SLC35F1: variants seen among roughly 807,000 people sequenced by gnomAD.
SLC35F1 encodes the protein chromosome 6 open reading frame 169.
SLC35F1 carries 14 observed loss-of-function variants against 48.7 expected under a neutral mutation model. The observed-to-expected ratio is 0.29, with a 90% CI of 0.19 to 0.45. The LOEUF is 0.45. Ranked by LOEUF, SLC35F1 falls within the 20% of genes least tolerant of loss-of-function variation. The pLI, the probability that SLC35F1 is intolerant of heterozygous loss-of-function variation, is 1.00. For synonymous variants in SLC35F1, 190 were observed against 202.2 expected (o/e 0.94, Z 0.51); for missense variants, 404 against 500.0 (o/e 0.81, Z 1.83).
chr6:118,150,585 C>G (rs996978272), intron 1 of SLC35F1, among the ~76,000 whole-genome samples: 3 of 152,102 alleles, frequency 2.0e-5, no homozygotes, highest in Non-Finnish European at 2.9e-5. Flanking sequence ...TTTCACCCTT[C>G]TTGTCCCAAA....
chr6:118,087,681 C>T (rs1773011860), intron 1 of SLC35F1, among the ~76,000 whole-genome samples: 1 of 152,182 alleles, frequency 6.6e-6, no homozygotes, highest in South Asian at 2.1e-4. Context: ...CATGTCTTTG[C>T]CCAACAACTT....
At chr6:118,093,111 T>C (rs1026855706) in intron 1 of SLC35F1, among the ~76,000 whole-genome samples, 2 of 151,882 alleles carry the variant, frequency 1.3e-5, no homozygotes, top group Admixed American at 6.6e-5. Context: ...AGGTCAGTGG[T>C]TCGAAACCAG....
intron 1 of SLC35F1, among the ~76,000 whole-genome samples, chr6:118,097,487 T>TG (rs1773193833): frequency 6.6e-6 from 1 of 152,126 alleles, no homozygotes; most frequent in African/African-American, 2.4e-5. Flanking sequence ...AGTTGTGACT[T>TG]GGGGGTGTGC....
intron 3 of SLC35F1, among the ~76,000 whole-genome samples, chr6:118,239,078 G>A (rs1043724636): frequency 2.0e-5 from 3 of 150,908 alleles, no homozygotes; most frequent in South Asian, 2.1e-4. Context: ...TCTCTCTCTC[G>A]TCTCCCGAGG....
intron 5 of SLC35F1, among the ~76,000 whole-genome samples, 162 bp from the exon 6 acceptor site, chr6:118,277,332 G>A (rs1775930231): frequency 6.6e-6 from 1 of 152,160 alleles, no homozygotes; most frequent in East Asian, 1.9e-4. Context: ...ACTGCACTCT[G>A]CCTAATTAGA....
intron 1 of SLC35F1, among the ~76,000 whole-genome samples, chr6:118,043,498 CA>C (rs898161423): frequency 5.7e-4 from 86 of 151,742 alleles, no homozygotes; most frequent in African/African-American, 2.1e-3. Flanking sequence ...TTCAAGGCTT[CA>C]TGTAGAAAAA....
chr6:118,142,029 A>C (rs1773898138), intron 1 of SLC35F1, among the ~76,000 whole-genome samples: 1 of 152,218 alleles, frequency 6.6e-6, no homozygotes, highest in Non-Finnish European at 1.5e-5. Context: ...GGCTCCTCCT[A>C]AAACAGGCTA....
chr6:118,247,137 T>G (rs998490426), intron 3 of SLC35F1, among the ~76,000 whole-genome samples: 3 of 152,256 alleles, frequency 2.0e-5, no homozygotes, highest in African/African-American at 4.8e-5. Context: ...CCATCCCATC[T>G]TCTTATACAC....
intron 1 of SLC35F1, among the ~76,000 whole-genome samples, chr6:117,935,085 C>T (rs1776148169): frequency 6.6e-6 from 1 of 152,064 alleles, no homozygotes; most frequent in African/African-American, 2.4e-5. Context: ...CCAGCTTGGG[C>T]AACAAGAGCA....
intron 1 of SLC35F1, among the ~76,000 whole-genome samples, chr6:118,093,016 G>A (rs903602977): frequency 1.3e-5 from 2 of 152,146 alleles, no homozygotes; most frequent in Non-Finnish European, 2.9e-5. Flanking sequence ...AGGCATGATT[G>A]TGTTTTGAAA....
chr6:118,227,370 G>A (rs1775232317), intron 2 of SLC35F1, among the ~76,000 whole-genome samples: 1 of 152,150 alleles, frequency 6.6e-6, no homozygotes, highest in African/African-American at 2.4e-5. Flanking sequence ...AGGATTTTGG[G>A]GTATAAATAT....
At chr6:117,996,824 A>G (rs1776999372) in intron 1 of SLC35F1, among the ~76,000 whole-genome samples, 1 of 152,178 alleles carries the variant, frequency 6.6e-6, no homozygotes, top group Non-Finnish European at 1.5e-5. Context: ...AAGATGGGGA[A>G]AAAACAGAGC....
At chr6:118,073,471 CACAT>C (rs1455315896) in intron 1 of SLC35F1, among the ~76,000 whole-genome samples, 1 of 152,100 alleles carries the variant, frequency 6.6e-6, no homozygotes, top group Admixed American at 6.5e-5. Context: ...TTGTGGTTGG[CACAT>C]AGTAAACACT....
chr6:117,954,020 G>C (rs1249367818), intron 1 of SLC35F1, among the ~76,000 whole-genome samples: 1 of 152,166 alleles, frequency 6.6e-6, no homozygotes, highest in Non-Finnish European at 1.5e-5. Flanking sequence ...AGATTTCAAA[G>C]TATAGTCTTA....
At chr6:118,272,737 G>GTGTGTGTATATATATA (rs201515909) in intron 4 of SLC35F1, among the ~76,000 whole-genome samples, 2 of 120,246 alleles carry the variant, frequency 1.7e-5, no homozygotes, top group African/African-American at 6.4e-5. Context: ...ATATGTGTGT[G>GTGTGTGTATATATATA]TATATATATA....
chr6:117,991,763 A>C (rs1345547859), intron 1 of SLC35F1, among the ~76,000 whole-genome samples: 1 of 152,220 alleles, frequency 6.6e-6, no homozygotes, highest in African/African-American at 2.4e-5. Flanking sequence ...TTTAACAAGG[A>C]ATAAAAAACT....
intron 2 of SLC35F1, among the ~76,000 whole-genome samples, chr6:118,220,020 G>A (rs1003321093): frequency 6.6e-6 from 1 of 152,062 alleles, no homozygotes; most frequent in African/African-American, 2.4e-5. Context: ...GCCTGTCGTG[G>A]GGTTGGGGGA....
intron 2 of SLC35F1, among the ~76,000 whole-genome samples, chr6:118,190,392 G>T (rs1451851009): frequency 1.3e-5 from 2 of 151,810 alleles, no homozygotes; most frequent in African/African-American, 2.4e-5. Context: ...GTCTGTTAGG[G>T]CCTATTGCAT....
At position 118,286,766 on chromosome 6, in the gene SLC35F1, AC is replaced by A. The variant is rs1192020303; in HGVS notation, c.1002+1430del. Reference sequence around the variant, plus strand: ...ATTATATCCATCACCTCACATAGTTACCTTTTTTCTGTGTGTGTGTGTGTGT... The same window carrying A: ...ATTATATCCATCACCTCACATAGTTACTTTTTTCTGTGTGTGTGTGTGTGT... On this transcript the variant is annotated intron_variant, in intron 7 of 7. Transcript: ENST00000360388. Among the ~76,000 whole-genome samples the A allele has an allele frequency of 1.6e-4, 24 of 147,862 alleles. No individual in the cohort carries two copies. In the East Asian group the frequency reaches 4.1e-3, roughly 25 times the overall value.
Sources: gnomAD v4.1 joint callset for allele counts (sites outside exome capture counted in the v4.1 genomes callset) on GRCh38, gnomAD v4.1.1 for gene constraint, MANE v1.5 for transcripts, NCBI Gene and HGNC (gene_info 2026-07-23, HGNC 2026-07-21) for gene names.